The following CRIPT variants were observed in gnomAD, a reference collection of about 807,000 sequenced individuals.
CRIPT encodes the protein cysteine-rich PDZ-binding protein.
In CRIPT, 20 loss-of-function variants were observed where a neutral mutation model predicts 16.6. The observed-to-expected ratio is 1.20, with a 90% CI of 0.85 to 1.75. CRIPT has a LOEUF of 1.75. Among genes scored for constraint, CRIPT ranks in the 40% most tolerant of loss-of-function variants. The pLI is 0.00. For synonymous variants in CRIPT, 42 were observed against 37.0 expected (o/e 1.14, Z -0.49); for missense variants, 133 against 115.3 (o/e 1.15, Z -0.70).
intron 3 of CRIPT, among the ~76,000 whole-genome samples, chr2:46,620,894 C>G (rs1162537099): frequency 6.6e-6 from 1 of 151,978 alleles, no homozygotes; most frequent in Non-Finnish European, 1.5e-5. Context: ...CTCTAATCCA[C>G]TTGTTCAAGC....
At chr2:46,618,029 T>G (rs530596440) in intron 1 of CRIPT, among the ~76,000 whole-genome samples, 83 of 149,810 alleles carry the variant, frequency 5.5e-4, no homozygotes, top group Middle Eastern at 6.8e-3. Context: ...TTTATCTAGT[T>G]TGCCTTCATC....
rs1255956000 is a variant in CRIPT at position 46,627,672 on chromosome 2, G to A, written c.*3445G>A. ...GTTGGCCAGGCTGGTCTTGAATTCC[G>A]AGCCTCAAGTGATCCACCCACCTCA... On this transcript the variant is annotated 3_prime_UTR_variant, in exon 5 of 5. Transcript: ENST00000238892. Among the ~76,000 whole-genome samples, 2 of 151,602 alleles carry A rather than the reference G, an allele frequency of 1.3e-5. No homozygotes were observed. The highest frequency in any genetic ancestry group is 2.9e-5 in the Non-Finnish European group (2 of 67,854).
Position 46,628,826 on chromosome 2 carries a change from TACAA to T in CRIPT, c.*4603_*4606del, listed in dbSNP as rs545716337. ...ATAAAATATTTTTAAAAGGAAGACA[TACAA>T]ACAGACACTATAACCAAATAAGATG... On this transcript the variant is annotated 3_prime_UTR_variant, in exon 5 of 5. Transcript: ENST00000238892. Among the ~76,000 whole-genome samples, 119 of 152,182 alleles carry T rather than the reference TACAA, an allele frequency of 7.8e-4. 5 individuals are homozygous for T. In the South Asian group the frequency reaches 0.022, roughly 28 times the overall value.
In CRIPT at chr2:46,617,234, C is replaced by CATG. The variant is rs1553428155; in HGVS notation, c.-49_-48insATG. ...CAAGTTGTAGTGTTGTTGTTTTCAG[C>CATG]CTGCTGCTGCTGCTGCTGTTGCGGC... On this transcript the variant is annotated 5_prime_UTR_variant, in exon 1 of 5. The change creates a new upstream start codon in the 5' untranslated region. Transcript: ENST00000238892. The CATG allele has an allele frequency of 6.5e-7, 1 of 1,546,518 alleles. No homozygotes were observed. Among genetic ancestry groups the CATG allele is most frequent in the East Asian group, 2.4e-5 (1 of 40,922 alleles).
chr2:46,628,757 G>A lies in CRIPT; in HGVS notation c.*4530G>A, dbSNP rs1314037462. 6.6e-6 allele frequency among the ~76,000 whole-genome samples: 1 copy of A among 152,042 alleles called. No homozygotes were observed. The highest frequency in any genetic ancestry group is 1.5e-5 in the Non-Finnish European group (1 of 68,020). On this transcript the variant is annotated 3_prime_UTR_variant, in exon 5 of 5. Transcript: ENST00000238892. ...AATGATGGTCATAAATTGAATAGAA[G>A]TATTTACTAGATGAGGAGGAAAACC...
intron 3 of CRIPT, 79 bp downstream of exon 3, chr2:46,619,760 C>A: frequency 9.3e-7 from 1 of 1,075,820 alleles, no homozygotes; most frequent in Non-Finnish European, 1.4e-6. Context: ...ATTTGATGTG[C>A]ATCATTCCAT....
intron 1 of CRIPT, among the ~76,000 whole-genome samples, chr2:46,618,357 A>G (rs1439173855): frequency 1.3e-5 from 2 of 152,170 alleles, no homozygotes; most frequent in South Asian, 4.1e-4. Context: ...ATCTCTTAAG[A>G]TCCACCTGTG....
At chr2:46,619,404 T>TC (rs1436187100) in intron 2 of CRIPT, among the ~76,000 whole-genome samples, 2 of 151,842 alleles carry the variant, frequency 1.3e-5, no homozygotes. Context: ...CCTAAAGTAC[T>TC]CCCTTGAGTC....
At chr2:46,619,151 T>C (rs908491503) in intron 2 of CRIPT, among the ~76,000 whole-genome samples, 1 of 152,180 alleles carries the variant, frequency 6.6e-6, no homozygotes, top group African/African-American at 2.4e-5. Context: ...TCTGCACTCT[T>C]CTGAGGAGAA....
rs1671034127 is a variant in CRIPT at position 46,630,093 on chromosome 2, G to A, written c.*5866G>A. On this transcript the variant is annotated 3_prime_UTR_variant, in exon 5 of 5. Coordinates refer to ENST00000238892, the MANE Select transcript of CRIPT (RefSeq NM_014171.6). Reference sequence around the variant, plus strand: ...CTCTTTACCCCAATTACTTAAGTTTGTATTTCCAAAGAACAAGGGTGTTTT... The same window carrying A: ...CTCTTTACCCCAATTACTTAAGTTTATATTTCCAAAGAACAAGGGTGTTTT... Among the ~76,000 whole-genome samples the A allele has an allele frequency of 6.6e-6, 1 of 151,642 alleles. No individual in the cohort carries two copies. The highest frequency in any genetic ancestry group is 1.5e-5 in the Non-Finnish European group (1 of 67,956).
chr2:46,625,621 T>TA lies in CRIPT; in HGVS notation c.*1394_*1395insA, dbSNP rs1248419312. ...GTCATAACATTTTGATGAAAAGCAT[T>TA]TAAAGTTTTAACTTTATAAGGCTTT... On this transcript the variant is annotated 3_prime_UTR_variant, in exon 5 of 5. Transcript: ENST00000238892. The TA allele has an allele frequency of 6.6e-6, 1 of 152,120 alleles. No individual in the cohort carries two copies. The highest frequency in any genetic ancestry group is 2.4e-5 in the African/African-American group (1 of 41,434). 9.4% of individuals were successfully genotyped at this position (152,120 alleles called of 1,614,324 possible).
At chr2:46,621,220 C>T (rs753146030) in intron 3 of CRIPT, among the ~76,000 whole-genome samples, 1 of 152,144 alleles carries the variant, frequency 6.6e-6, no homozygotes, top group Non-Finnish European at 1.5e-5. Context: ...AGCCCCCTAC[C>T]ATGTTCTTAC....
rs763107460 is a variant in CRIPT at position 46,624,271 on chromosome 2, T to A, written c.*44T>A. On this transcript the variant is annotated 3_prime_UTR_variant, in exon 5 of 5. Transcript: ENST00000238892. ...TGGCTTTCTAAATGATTTTACTTTC[T>A]GCCTTGAATTTTCAAGGCATAGATG... is the stretch of plus-strand genomic sequence containing the variant. The A allele has an allele frequency of 7.3e-7, 1 of 1,368,604 alleles. No individual in the cohort carries two copies. The highest frequency in any genetic ancestry group is 1.4e-5 in the African/African-American group (1 of 68,994). 84.8% of individuals were successfully genotyped at this position (1,368,604 alleles called of 1,614,324 possible). A position where few individuals can be genotyped will look rare whatever the true frequency, so the allele number is the denominator to read the frequency against.
intron 3 of CRIPT, among the ~76,000 whole-genome samples, chr2:46,622,564 A>T (rs1173375741): frequency 1.3e-5 from 2 of 152,172 alleles, no homozygotes; most frequent in African/African-American, 4.8e-5. Context: ...CTGTGATCCC[A>T]GCACTTTGGG....
chr2:46,624,152 T>G lies in CRIPT; in HGVS notation c.242-11T>G. 6.4e-7 allele frequency: 1 copy of G among 1,552,370 alleles called. No individual in the cohort carries two copies. Among genetic ancestry groups the G allele is most frequent in the Non-Finnish European group, 8.7e-7 (1 of 1,143,466 alleles). ...ATGATTTGATTGATCACATATCTTC[T>G]TTTGTTTCAGGCATCTGTGCGATGT... On this transcript the variant is annotated splice_polypyrimidine_tract_variant and intron_variant, in intron 4 of 4. Transcript: ENST00000238892.
intron 1 of CRIPT, among the ~76,000 whole-genome samples, chr2:46,618,343 G>A (rs185761501): frequency 3.9e-5 from 6 of 152,018 alleles, no homozygotes; most frequent in African/African-American, 1.4e-4. Context: ...CACCTTGTTC[G>A]CATATCTCTT....
rs1164472654 is a variant in CRIPT, at chr2:46,623,860, C to T, written c.234C>T (p.Tyr78=). 2 of 1,593,992 alleles carry T rather than the reference C, an allele frequency of 1.3e-6. No individual in the cohort carries two copies. The highest frequency in any genetic ancestry group is 1.7e-6 in the Non-Finnish European group (2 of 1,170,616). ...CTCATTACTGCCAGGGCTGTGCCTACAAAAAAGGTAAGTTTCTTTTAATAC... is the reference window on the plus strand; with the variant it reads ...CTCATTACTGCCAGGGCTGTGCCTATAAAAAAGGTAAGTTTCTTTTAATAC... The part of the protein sequence containing the change: ...PGSHYCQGCA[Y]KKGICAMCGK... Residue 78 remains tyrosine (Y), a synonymous_variant, in exon 4 of 5, where the codon TAC becomes TAT. Coordinates refer to ENST00000238892, the MANE Select transcript of CRIPT (RefSeq NM_014171.6).
rs1450417264 is a variant in CRIPT at position 46,624,419 on chromosome 2, A to T, written c.*192A>T. The stretch of plus-strand genomic sequence containing the variant: ...AACTAGTCTTTTGTTGTAAATGGTT[A>T]TTTTCCTTATAAGAATTTTAAGAAC... On this transcript the variant is annotated 3_prime_UTR_variant, in exon 5 of 5. Coordinates refer to ENST00000238892, the MANE Select transcript of CRIPT (RefSeq NM_014171.6). 2 of 370,688 alleles carry T rather than the reference A, an allele frequency of 5.4e-6. No individual in the cohort carries two copies. Among genetic ancestry groups the T allele is most frequent in the African/African-American group, 4.2e-5 (2 of 47,806 alleles). The allele number at this position is 370,688 out of a possible 1,614,324, so 23.0% of individuals were successfully genotyped here.
chr2:46,620,921 C>G (rs1670786267), intron 3 of CRIPT, among the ~76,000 whole-genome samples: 2 of 151,910 alleles, frequency 1.3e-5, no homozygotes. Flanking sequence ...GCTAGAATTC[C>G]TCACTGAGTC....
Sources: gnomAD v4.1 joint callset for allele counts (sites outside exome capture counted in the v4.1 genomes callset) on GRCh38, gnomAD v4.1.1 for gene constraint, MANE v1.5 for transcripts, NCBI Gene and HGNC (gene_info 2026-07-23, HGNC 2026-07-21) for gene names.